The following YARS1 variants were observed in gnomAD, a reference collection of about 807,000 sequenced individuals.
The protein encoded by YARS1 is tyrosyl-tRNA synthetase 1, also known as tyrosine--tRNA ligase, cytoplasmic.
A neutral mutation model predicts 62.2 loss-of-function variants in YARS1; 36 were observed. That is an observed-to-expected ratio of 0.58 (90% CI 0.44 to 0.76). The LOEUF is 0.76. Ranked by LOEUF, YARS1 falls within the 30% of genes least tolerant of loss-of-function variation. The pLI is 0.00. For synonymous variants in YARS1, 234 were observed against 244.9 expected (o/e 0.96, Z 0.42); for missense variants, 524 against 639.8 (o/e 0.82, Z 1.95).
intron 9 of YARS1, chr1:32,781,989 T>TG (rs1402081392): frequency 5.6e-6 from 1 of 180,108 alleles, no homozygotes; most frequent in African/African-American, 2.4e-5. Context: ...AATTTTTTTT[T>TG]TTTTTTTTTT....
intron 6 of YARS1, among the ~76,000 whole-genome samples, chr1:32,788,590 C>T (rs1653313904): frequency 1.3e-5 from 2 of 151,954 alleles, no homozygotes; most frequent in South Asian, 4.2e-4. Flanking sequence ...CACCACCAAG[C>T]CCAGCTAATT....
At chr1:32,788,495 A>T (rs1196637686) in intron 6 of YARS1, among the ~76,000 whole-genome samples, 1 of 152,054 alleles carries the variant, frequency 6.6e-6, no homozygotes, top group Non-Finnish European at 1.5e-5. Context: ...CAATGGCATG[A>T]TCTCGACTCA....
chr1:32,807,571 C>T (rs1638491719), intron 3 of YARS1, among the ~76,000 whole-genome samples: 1 of 152,054 alleles, frequency 6.6e-6, no homozygotes, highest in African/African-American at 2.4e-5. Context: ...GATCCTCCCA[C>T]CTCAACCTCC....
chr1:32,780,327 A>T, intron 10 of YARS1, 49 bp from the exon 11 acceptor site: 1 of 1,608,918 alleles, frequency 6.2e-7, no homozygotes. Flanking sequence ...CCATTAGAGA[A>T]GCAGCCTGGT....
rs1360212575 is a variant in YARS1 at position 32,810,681 on chromosome 1, T to C, written c.290A>G (p.Tyr97Cys). Residue 97 changes from tyrosine (Y) to cysteine (C), a missense_variant, in exon 3 of 13, where the codon TAT (tyrosine) becomes TGT (cysteine). Physicochemically the swap from Tyr to Cys is radical, Grantham distance 194. Transcript: ENST00000373477. ...CAGCATTGCTTTGATCACATTCTCA[T>C]AGTAACTGACTCGGAGTTCTAGAAG... Reference protein sequence around the residue: ...WELLELRVSYYENVIKAMLES... With the variant: ...WELLELRVSYCENVIKAMLES... 3.7e-6 allele frequency: 6 copies of C among 1,614,144 alleles called. No homozygotes were observed. Among genetic ancestry groups the C allele is most frequent in the Admixed American group, 1.7e-5 (1 of 60,010 alleles).
intron 8 of YARS1, among the ~76,000 whole-genome samples, chr1:32,785,460 C>CAA (rs768108945): frequency 1.9e-5 from 2 of 106,694 alleles, no homozygotes. Context: ...GACTCTGTCT[C>CAA]AAAAAAAAAA....
rs906959185 is a variant in YARS1 at position 32,781,592 on chromosome 1, G to GT, written c.1043-448dup. The GT allele has an allele frequency of 5.6e-5, 10 of 177,672 alleles. No homozygotes were observed. In the South Asian group the frequency reaches 1.1e-3, roughly 20 times the overall value. The allele number at this position is 177,672 out of a possible 1,614,324, so 11.0% of individuals were successfully genotyped here. A position where few individuals can be genotyped will look rare whatever the true frequency, so the allele number is the denominator to read the frequency against. On this transcript the variant is annotated intron_variant, in intron 9 of 12. Transcript: ENST00000373477. The stretch of plus-strand genomic sequence containing the variant: ...AAAAAAAATTTTACTGAGTTACTGA[G>GT]TTTTTTTCTGGAAGGGTCGCACAAA...
intron 5 of YARS1, among the ~76,000 whole-genome samples, chr1:32,793,224 A>C (rs1653471755): frequency 1.3e-5 from 2 of 152,224 alleles, no homozygotes; most frequent in African/African-American, 4.8e-5. Flanking sequence ...AAAGAGAATA[A>C]GAGAGAAGCA....
chr1:32,775,904 A>G lies in YARS1; in HGVS notation c.*77T>C, dbSNP rs924396529. 1 of 1,320,706 alleles carries G rather than the reference A, an allele frequency of 7.6e-7. No homozygotes were observed. The highest frequency in any genetic ancestry group is 1.1e-6 in the Non-Finnish European group (1 of 917,462). 81.8% of individuals were successfully genotyped at this position (1,320,706 alleles called of 1,614,324 possible). The stretch of plus-strand genomic sequence containing the variant: ...CTTCCGTGTCCTGAGAGATGGGTAA[A>G]TGGGTGATGGATGGAGCAGACTGAA... On this transcript the variant is annotated 3_prime_UTR_variant, in exon 13 of 13. Transcript: ENST00000373477.
At chr1:32,801,463 G>C (rs1208097084) in intron 4 of YARS1, among the ~76,000 whole-genome samples, 1 of 152,190 alleles carries the variant, frequency 6.6e-6, no homozygotes, top group South Asian at 2.1e-4. Context: ...ACGATCATCT[G>C]AGCCTTCAGC....
chr1:32,792,889 T>C (rs145761874), intron 5 of YARS1, among the ~76,000 whole-genome samples: 1 of 145,338 alleles, frequency 6.9e-6, no homozygotes, highest in Non-Finnish European at 1.5e-5. Flanking sequence ...CAAAAAAAAA[T>C]AAAAATAAAA....
intron 8 of YARS1, among the ~76,000 whole-genome samples, chr1:32,785,605 G>A (rs748432843): frequency 3.6e-4 from 54 of 151,284 alleles, no homozygotes; most frequent in African/African-American, 1.1e-3. Flanking sequence ...TTTTTGAGAC[G>A]GAGTTTCACT....
At chr1:32,778,445 G>A (rs1442235814) in intron 12 of YARS1, among the ~76,000 whole-genome samples, 2 of 149,250 alleles carry the variant, frequency 1.3e-5, no homozygotes, top group Non-Finnish European at 3.0e-5. Context: ...GTCTCACTCT[G>A]TCGCTTAGGC....
chr1:32,782,690 C>T, intron 8 of YARS1, 151 bp from the exon 9 acceptor site: 1 of 1,041,408 alleles, frequency 9.6e-7, no homozygotes, highest in Non-Finnish European at 1.4e-6. Flanking sequence ...AGGGAAAATA[C>T]ATTCAGAAAG....
At position 32,786,424 on chromosome 1, in the gene YARS1, T is replaced by C; in HGVS notation, c.844A>G (p.Lys282Glu). 6.2e-7 allele frequency: 1 copy of C among 1,613,888 alleles called. No individual in the cohort carries two copies. Among genetic ancestry groups the C allele is most frequent in the Non-Finnish European group, 8.5e-7 (1 of 1,179,970 alleles). ...GTGTAGGTTTTGTTTCCACCCCATTTCTCATCTCGTAGGATCACAAACTCT... is the reference window on the plus strand; with the variant it reads ...GTGTAGGTTTTGTTTCCACCCCATTCCTCATCTCGTAGGATCACAAACTCT... ...KSEFVILRDE[K>E]WGGNKTYTAY... is the part of the protein sequence containing the mutation. The change falls in exon 8 of 13, where the codon AAA becomes GAA. Residue 282 changes from lysine to glutamate, a missense_variant. By Grantham distance (56) the Lys-to-Glu change is moderately conservative (BLOSUM62 1). Coordinates refer to ENST00000373477, the MANE Select transcript of YARS1 (RefSeq NM_003680.4).
intron 4 of YARS1, among the ~76,000 whole-genome samples, chr1:32,803,117 G>C (rs915838166): frequency 6.6e-6 from 1 of 151,686 alleles, no homozygotes; most frequent in African/African-American, 2.4e-5. Flanking sequence ...TGAGTAGCTG[G>C]GACTACAGTT....
In YARS1 at chr1:32,782,568, T is replaced by TA. The variant is rs771795261; in HGVS notation, c.907-30dup. The TA allele has an allele frequency of 2.1e-4, 341 of 1,614,046 alleles. 2 individuals carry two copies. In the East Asian group the frequency reaches 7.6e-3, roughly 36 times the overall value. On this transcript the variant is annotated intron_variant, in intron 8 of 12. Transcript: ENST00000373477. ...CAGAATCGAACAAGACCTAGTGAGA[T>TA]AAAGTCTAGAACAGGGCACAGGACA...
At chr1:32,805,047 A>G (rs914855503) in intron 4 of YARS1, among the ~76,000 whole-genome samples, 10 of 152,288 alleles carry the variant, frequency 6.6e-5, no homozygotes, top group African/African-American at 2.4e-4. Context: ...CCCGGCCAAC[A>G]CAGCGAAACC....
At position 32,810,019 on chromosome 1, in the gene YARS1, T is replaced by G. The variant is rs1360085435; in HGVS notation, c.380+572A>C. ...TACTCAGGAGGCTGAGGGAGGAGAA[T>G]CTCTTGAACCCAGGAGGCAGAGGGT... On this transcript the variant is annotated intron_variant, in intron 3 of 12. Transcript: ENST00000373477. Among the ~76,000 whole-genome samples, 3 of 149,810 alleles carry G rather than the reference T, an allele frequency of 2.0e-5. No individual in the cohort carries two copies. The East Asian group carries it at 5.9e-4, about 29-fold the overall frequency.
Sources: allele counts gnomAD v4.1 joint callset (sites outside exome capture counted in the v4.1 genomes callset), GRCh38; gene constraint gnomAD v4.1.1; transcripts MANE v1.5; gene names NCBI Gene and HGNC (gene_info 2026-07-23, HGNC 2026-07-21).